SCAPER: variants seen among roughly 807,000 people sequenced by gnomAD.
SCAPER encodes the protein S-phase cyclin A associated protein in the ER, also known as S phase cyclin A-associated protein in the endoplasmic reticulum.
Under a neutral mutation model 182.2 loss-of-function variants are expected in SCAPER, and 98 were observed. The observed-to-expected ratio is 0.54, with a 90% CI of 0.46 to 0.64. The LOEUF is 0.64. Among genes scored for constraint, SCAPER ranks in the 30% least tolerant of loss-of-function variants. SCAPER has a pLI of 0.00. For synonymous variants in SCAPER, 605 were observed against 564.6 expected (o/e 1.07, Z -1.01); for missense variants, 1,432 against 1,690.0 (o/e 0.85, Z 2.68).
At chr15:76,508,192 T>C (rs2041753192) in intron 23 of SCAPER, among the ~76,000 whole-genome samples, 1 of 152,162 alleles carries the variant, frequency 6.6e-6, no homozygotes, top group Admixed American at 6.6e-5. Flanking sequence ...GTCTAGCTTT[T>C]TTTGGTTGAT....
chr15:76,348,652 A>G lies in SCAPER; in HGVS notation c.4184T>C (p.Leu1395Ser), dbSNP rs2040327882. Residue 1395 changes from leucine to serine, a missense_variant, in exon 32 of 32, where the codon TTG becomes TCG. Physicochemically the swap from Leu to Ser is moderately radical, Grantham distance 145 (BLOSUM62 -2). Transcript: ENST00000563290. The stretch of plus-strand genomic sequence containing the variant: ...AAACATTTATTTTTTCTCTTTTTTC[A>G]AGAAAAACTGTCGAGCTTCTTCCCA... ...QAWEEARQFF[L>S]KKEKK 1 of 1,548,110 alleles carries G rather than the reference A, an allele frequency of 6.5e-7. No homozygotes were observed. The highest frequency in any genetic ancestry group is 8.7e-7 in the Non-Finnish European group (1 of 1,145,562).
In SCAPER at chr15:76,851,562, C is replaced by G. The variant is rs111656145; in HGVS notation, c.195+6247G>C. Among the ~76,000 whole-genome samples the G allele has an allele frequency of 1.3e-3, 199 of 152,220 alleles. 2 individuals are homozygous for G. The Middle Eastern group carries it at 0.014, about 10-fold the overall frequency. On this transcript the variant is annotated intron_variant, in intron 4 of 31. Coordinates refer to ENST00000563290, the MANE Select transcript of SCAPER (RefSeq NM_020843.4). Reference sequence around the variant, plus strand: ...ATTCTTAGAGAAAAAAAATCTTCAACCAAGAATTTCATATCCAGCCAAACT... The same window carrying G: ...ATTCTTAGAGAAAAAAAATCTTCAAGCAAGAATTTCATATCCAGCCAAACT...
At chr15:76,430,171 G>A (rs950155485) in intron 26 of SCAPER, among the ~76,000 whole-genome samples, 13 of 152,322 alleles carry the variant, frequency 8.5e-5, no homozygotes, top group Admixed American at 3.3e-4. Context: ...CAGGATGTAC[G>A]GAAATGCCTG....
intron 22 of SCAPER, among the ~76,000 whole-genome samples, chr15:76,590,175 G>A (rs2048998976): frequency 6.6e-6 from 1 of 152,190 alleles, no homozygotes; most frequent in African/African-American, 2.4e-5. Flanking sequence ...GTCTGTCCAA[G>A]TGGGAACTGC....
intron 22 of SCAPER, among the ~76,000 whole-genome samples, chr15:76,588,717 G>A (rs1295173038): frequency 6.6e-6 from 1 of 152,162 alleles, no homozygotes; most frequent in African/African-American, 2.4e-5. Flanking sequence ...GCTTTAAAGA[G>A]GTTCTATTTT....
chr15:76,763,504 A>G (rs2062924080), intron 14 of SCAPER, among the ~76,000 whole-genome samples: 2 of 151,098 alleles, frequency 1.3e-5, no homozygotes, highest in Non-Finnish European at 2.9e-5. Flanking sequence ...TTGAGTCTGG[A>G]TATCTGTTTT....
intron 15 of SCAPER, among the ~76,000 whole-genome samples, chr15:76,735,832 T>C (rs929483132): frequency 6.6e-6 from 1 of 151,314 alleles, no homozygotes; most frequent in African/African-American, 2.4e-5. Context: ...AAAGGAAAGA[T>C]GATAAAACAA....
intron 25 of SCAPER, among the ~76,000 whole-genome samples, chr15:76,458,497 T>G (rs1484433164): frequency 1.3e-5 from 2 of 152,134 alleles, no homozygotes; most frequent in Non-Finnish European, 2.9e-5. Context: ...TTTCTTTGTA[T>G]TTAGACCTTT....
At chr15:76,895,965 G>C (rs559913448) in intron 1 of SCAPER, among the ~76,000 whole-genome samples, 9 of 151,888 alleles carry the variant, frequency 5.9e-5, no homozygotes, top group Non-Finnish European at 1.2e-4. Context: ...GTGTGAACCC[G>C]GGAGGCAGAG....
At chr15:76,730,892 G>A (rs1191571775) in intron 16 of SCAPER, among the ~76,000 whole-genome samples, 1 of 152,070 alleles carries the variant, frequency 6.6e-6, no homozygotes, top group Non-Finnish European at 1.5e-5. Flanking sequence ...ATGGATATCA[G>A]ACCAACTCCA....
chr15:76,764,854 T>A, intron 14 of SCAPER, 107 bp downstream of exon 14: 1 of 624,192 alleles, frequency 1.6e-6, no homozygotes, highest in Non-Finnish European at 2.7e-6. Context: ...TCCTAGCAAA[T>A]CTAATTATTT....
intron 5 of SCAPER, among the ~76,000 whole-genome samples, chr15:76,832,923 G>C (rs1290166881): frequency 2.6e-5 from 4 of 152,108 alleles, no homozygotes; most frequent in African/African-American, 9.7e-5. Context: ...AAACTACCAA[G>C]TCTCAGGTAT....
chr15:76,554,039 G>T lies in SCAPER; in HGVS notation c.2838+20119C>A, dbSNP rs183715995. ...TGTAGACAGGAATGAAGACCATCAA[G>T]ATTCAGGAAAAAGTCAAAATCCAAT... On this transcript the variant is annotated intron_variant, in intron 23 of 31. Transcript: ENST00000563290. Among the ~76,000 whole-genome samples the T allele has an allele frequency of 2.0e-5, 3 of 152,206 alleles. No homozygotes were observed. The East Asian group carries it at 5.8e-4, about 29-fold the overall frequency.
chr15:76,524,689 G>GTTTTTTTTTTTTTTTTTTT (rs35944222), intron 23 of SCAPER, among the ~76,000 whole-genome samples: 27 of 50,114 alleles, frequency 5.4e-4, no homozygotes, highest in East Asian at 1.5e-3. Context: ...TTTTTGTTCT[G>GTTTTTTTTTTTTTTTTTTT]TTTTTTTTTT....
intron 20 of SCAPER, among the ~76,000 whole-genome samples, chr15:76,695,525 A>G (rs1364220065): frequency 2.0e-5 from 3 of 151,340 alleles, no homozygotes; most frequent in Non-Finnish European, 2.9e-5. Flanking sequence ...TGAACCCAGG[A>G]GGCAGAGGTT....
rs529935746 is a variant in SCAPER at position 76,891,298 on chromosome 15, C to A, written c.-59-7422G>T. 4.6e-5 allele frequency among the ~76,000 whole-genome samples: 7 copies of A among 152,216 alleles called. No homozygotes were observed. The South Asian group carries it at 1.5e-3, about 32-fold the overall frequency. ...CCTCTCTCACCACTCCTATTCAACA[C>A]AGTGTTGGAAATTCTGGCCAGAGCA... On this transcript the variant is annotated intron_variant, in intron 1 of 31. Transcript: ENST00000563290.
In SCAPER at chr15:76,771,897, C is replaced by A. The variant is rs754833773; in HGVS notation, c.1093G>T (p.Val365Phe). Residue 365 changes from valine (V) to phenylalanine (F), a missense_variant, in exon 10 of 32, where the codon GTT becomes TTT. Val to Phe is a conservative substitution (Grantham distance 50, BLOSUM62 -1). Coordinates refer to ENST00000563290, the MANE Select transcript of SCAPER (RefSeq NM_020843.4). ...KNSGSIRDNY[V>F]RTSEISAVHI... ...ACAGCAGATATTTCAGAAGTTCGAACATAATTGTCTCGAATACTGCCAGAA... is the reference window on the plus strand; with the variant it reads ...ACAGCAGATATTTCAGAAGTTCGAAAATAATTGTCTCGAATACTGCCAGAA... 3.1e-6 allele frequency: 5 copies of A among 1,612,868 alleles called. No individual in the cohort carries two copies. In the East Asian group the frequency reaches 8.9e-5, roughly 29 times the overall value.
intron 22 of SCAPER, among the ~76,000 whole-genome samples, chr15:76,615,359 TC>T (rs967049229): frequency 5.9e-5 from 9 of 151,390 alleles, no homozygotes; most frequent in Non-Finnish European, 1.0e-4. Flanking sequence ...AGTGGGAGGA[TC>T]CTTTGAACCC....
chr15:76,408,093 GT>G (rs562337879), intron 26 of SCAPER, among the ~76,000 whole-genome samples: 1 of 151,890 alleles, frequency 6.6e-6, no homozygotes, highest in African/African-American at 2.4e-5. Context: ...ATTTTAAATA[GT>G]TTTTTTTAAA....
Sources: allele counts gnomAD v4.1 joint callset (sites outside exome capture counted in the v4.1 genomes callset), GRCh38; gene constraint gnomAD v4.1.1; transcripts MANE v1.5; gene names NCBI Gene and HGNC (gene_info 2026-07-23, HGNC 2026-07-21).